Variants in CDH12 observed in about 807,000 individuals in gnomAD.
CDH12 encodes cadherin 12.
Under a neutral mutation model 74.1 loss-of-function variants are expected in CDH12, and 41 were observed. The ratio of observed to expected loss-of-function variants is 0.55; its 90% CI spans 0.43 to 0.72. CDH12 has a LOEUF of 0.72. Among genes scored for constraint, CDH12 ranks in the 30% least tolerant of loss-of-function variants. The pLI is 0.00. For synonymous variants in CDH12, 399 were observed against 355.0 expected (o/e 1.12, Z -1.39); for missense variants, 945 against 977.2 (o/e 0.97, Z 0.44).
chr5:22,002,104 G>A (rs1736639530), intron 5 of CDH12, among the ~76,000 whole-genome samples: 1 of 152,068 alleles, frequency 6.6e-6, no homozygotes, highest in Non-Finnish European at 1.5e-5. Context: ...TAAAACATAT[G>A]TAAAAGAGAG....
intron 3 of CDH12, among the ~76,000 whole-genome samples, chr5:22,309,594 T>A (rs1294366045): frequency 1.3e-5 from 2 of 152,172 alleles, no homozygotes; most frequent in African/African-American, 4.8e-5. Flanking sequence ...TATGTGCGTG[T>A]GTGTGCTAAG....
intron 3 of CDH12, among the ~76,000 whole-genome samples, chr5:22,283,247 T>TACACACACAC (rs1561281707): frequency 8.7e-6 from 1 of 115,510 alleles, no homozygotes; most frequent in African/African-American, 3.5e-5. Flanking sequence ...TATATATATA[T>TACACACACAC]ATATACACAC....
intron 4 of CDH12, among the ~76,000 whole-genome samples, chr5:22,196,291 C>T (rs1275775517): frequency 3.3e-5 from 5 of 151,600 alleles, no homozygotes; most frequent in East Asian, 2.0e-4. Context: ...AATACAGGCA[C>T]GCACTACCCC....
At chr5:21,903,428 C>G (rs1333935316) in intron 6 of CDH12, among the ~76,000 whole-genome samples, 4 of 152,132 alleles carry the variant, frequency 2.6e-5, no homozygotes, top group Admixed American at 6.6e-5. Flanking sequence ...GTCTACTCAG[C>G]TAGGGGACTG....
intron 6 of CDH12, among the ~76,000 whole-genome samples, chr5:21,864,439 T>C (rs1236945031): frequency 6.6e-6 from 1 of 152,160 alleles, no homozygotes; most frequent in Admixed American, 6.5e-5. Flanking sequence ...CTCTTTTGCA[T>C]GTACGTTCTC....
At chr5:22,440,151 G>A (rs1580652117) in intron 2 of CDH12, among the ~76,000 whole-genome samples, 2 of 151,904 alleles carry the variant, frequency 1.3e-5, no homozygotes, top group South Asian at 4.1e-4. Flanking sequence ...AGTGTTAGAG[G>A]GTATGTAGAG....
chr5:22,212,918 A>G (rs1751625678), intron 3 of CDH12: 1 of 152,166 alleles, frequency 6.6e-6, no homozygotes, highest in Non-Finnish European at 1.5e-5. Flanking sequence ...TTCCAGCCTA[A>G]TGGATGAACT....
At chr5:22,322,024 G>A (rs370045137) in intron 3 of CDH12, among the ~76,000 whole-genome samples, 2 of 152,070 alleles carry the variant, frequency 1.3e-5, no homozygotes, top group Admixed American at 6.6e-5. Flanking sequence ...TTCATAAATA[G>A]CAAATAAATG....
At chr5:21,943,135 G>T in intron 6 of CDH12, among the ~76,000 whole-genome samples, 1 of 152,120 alleles carries the variant, frequency 6.6e-6, no homozygotes, top group East Asian at 1.9e-4. Context: ...CACCATGATT[G>T]TAAGTTCCCT....
At chr5:22,021,597 C>T (rs1047844798) in intron 5 of CDH12, among the ~76,000 whole-genome samples, 1 of 152,094 alleles carries the variant, frequency 6.6e-6, no homozygotes, top group Non-Finnish European at 1.5e-5. Flanking sequence ...ACTCGTACAA[C>T]CATTTTGCTA....
intron 3 of CDH12, among the ~76,000 whole-genome samples, chr5:22,303,563 T>A (rs1029905110): frequency 3.9e-5 from 6 of 152,132 alleles, no homozygotes; most frequent in Non-Finnish European, 8.8e-5. Context: ...TAATTATTGA[T>A]ATCACAATTT....
intron 2 of CDH12, among the ~76,000 whole-genome samples, chr5:22,477,189 T>C (rs1746202523): frequency 6.6e-6 from 1 of 152,204 alleles, no homozygotes; most frequent in African/African-American, 2.4e-5. Context: ...CAGCAAGATA[T>C]TAACCCTAGT....
At chr5:21,841,021 C>G (rs1165442927) in intron 8 of CDH12, among the ~76,000 whole-genome samples, 2 of 151,970 alleles carry the variant, frequency 1.3e-5, no homozygotes, top group African/African-American at 4.8e-5. Flanking sequence ...TCTAATTAAA[C>G]TAAAGAGCTT....
At chr5:22,069,339 AG>A (rs1741783283) in intron 5 of CDH12, among the ~76,000 whole-genome samples, 1 of 152,160 alleles carries the variant, frequency 6.6e-6, no homozygotes, top group Non-Finnish European at 1.5e-5. Context: ...AATCCCTTGC[AG>A]GGCTGGGGCA....
At chr5:21,967,438 C>G (rs1377360452) in intron 6 of CDH12, among the ~76,000 whole-genome samples, 2 of 152,120 alleles carry the variant, frequency 1.3e-5, no homozygotes, top group East Asian at 3.9e-4. Context: ...ATGTTTACAA[C>G]CACTTGGAGG....
At chr5:22,695,787 C>T (rs1742328013) in intron 1 of CDH12, among the ~76,000 whole-genome samples, 1 of 151,956 alleles carries the variant, frequency 6.6e-6, no homozygotes, top group South Asian at 2.1e-4. Context: ...ATACTATATT[C>T]AAGTTTTCTT....
chr5:22,295,936 T>C (rs1450958883), intron 3 of CDH12, among the ~76,000 whole-genome samples: 1 of 152,032 alleles, frequency 6.6e-6, no homozygotes, highest in Non-Finnish European at 1.5e-5. Context: ...ATAATAAAAA[T>C]CGCATCATTT....
intron 3 of CDH12, among the ~76,000 whole-genome samples, chr5:22,402,461 T>G (rs985441076): frequency 7.9e-5 from 12 of 152,210 alleles, no homozygotes; most frequent in African/African-American, 2.9e-4. Context: ...CTGAATCATG[T>G]TCTACTATCA....
intron 4 of CDH12, chr5:22,143,421 G>T (rs1045512007): frequency 6.8e-6 from 1 of 146,590 alleles, no homozygotes; most frequent in South Asian, 2.2e-4. Context: ...CCAGGCTGGA[G>T]TGCAATGGCA....
Sources: gnomAD v4.1 joint callset for allele counts (sites outside exome capture counted in the v4.1 genomes callset) on GRCh38, gnomAD v4.1.1 for gene constraint, MANE v1.5 for transcripts, NCBI Gene and HGNC (gene_info 2026-07-23, HGNC 2026-07-21) for gene names.